CAPN13: variants seen among roughly 807,000 people sequenced by gnomAD.
CAPN13 encodes calpain-13.
Under a neutral mutation model 98.4 loss-of-function variants are expected in CAPN13, and 90 were observed. The observed-to-expected ratio is 0.92, with a 90% CI of 0.77 to 1.09. CAPN13 has a LOEUF of 1.09. Ranked by LOEUF, CAPN13 falls within the 50% of genes least tolerant of loss-of-function variation. CAPN13 has a pLI of 0.00. For missense variants in CAPN13, 887 were observed against 841.3 expected (o/e 1.05, Z -0.67); for synonymous variants, 330 against 305.5 (o/e 1.08, Z -0.84).
At chr2:30,777,678 T>C in intron 2 of CAPN13, 39 bp from the exon 3 acceptor site, 1 of 1,454,200 alleles carries the variant, frequency 6.9e-7, no homozygotes, top group Non-Finnish European at 9.5e-7. Context: ...ACATCGTTTA[T>C]TCCTTTGTAT....
At chr2:30,762,850 G>A (rs551687784) in intron 7 of CAPN13, among the ~76,000 whole-genome samples, 1 of 152,218 alleles carries the variant, frequency 6.6e-6, no homozygotes, top group Admixed American at 6.5e-5. Context: ...TCAGCAACAG[G>A]ACAGCAACAT....
intron 14 of CAPN13, 24 bp from the exon 15 acceptor site, chr2:30,741,988 A>G (rs764802178): frequency 7.5e-6 from 12 of 1,607,746 alleles, no homozygotes; most frequent in Middle Eastern, 1.7e-4. Context: ...AAAATAGTCA[A>G]TGTTAGACTT....
intron 4 of CAPN13, among the ~76,000 whole-genome samples, chr2:30,774,704 A>G (rs1673596373): frequency 1.3e-5 from 2 of 152,170 alleles, no homozygotes; most frequent in Admixed American, 1.3e-4. Context: ...AGGTAATTTC[A>G]CTACTGTCTA....
chr2:30,804,256 A>AGT (rs1433896651), intron 1 of CAPN13, among the ~76,000 whole-genome samples: 1 of 152,202 alleles, frequency 6.6e-6, no homozygotes, highest in African/African-American at 2.4e-5. Flanking sequence ...GCTGGAGTGC[A>AGT]GTGGCGCAAC....
chr2:30,791,978 C>T (rs1454011638), intron 1 of CAPN13, among the ~76,000 whole-genome samples: 1 of 152,036 alleles, frequency 6.6e-6, no homozygotes, highest in Admixed American at 6.6e-5. Context: ...CATTTATTGC[C>T]CCGGTTTCTC....
At chr2:30,768,467 A>G (rs1445455565) in intron 5 of CAPN13, among the ~76,000 whole-genome samples, 1 of 152,188 alleles carries the variant, frequency 6.6e-6, no homozygotes, top group Non-Finnish European at 1.5e-5. Context: ...GGAGCAGAGC[A>G]GAGCAGAAGC....
chr2:30,786,355 G>A (rs1191583735), intron 2 of CAPN13, among the ~76,000 whole-genome samples: 2 of 152,184 alleles, frequency 1.3e-5, no homozygotes, highest in Non-Finnish European at 2.9e-5. Flanking sequence ...GGTCCTTAGG[G>A]TGGTCCTTAT....
chr2:30,754,206 C>T, intron 9 of CAPN13, 84 bp downstream of exon 9: 3 of 1,108,324 alleles, frequency 2.7e-6, no homozygotes, highest in Non-Finnish European at 3.7e-6. Context: ...TTTCCACCTT[C>T]GTAAATGTTC....
intron 4 of CAPN13, among the ~76,000 whole-genome samples, chr2:30,773,274 G>A (rs886218773): frequency 4.6e-4 from 70 of 152,224 alleles, no homozygotes; most frequent in African/African-American, 1.6e-3. Flanking sequence ...AAGGAAACGT[G>A]ATCCAAGAAT....
intron 4 of CAPN13, among the ~76,000 whole-genome samples, chr2:30,771,462 C>G (rs1197911647): frequency 1.3e-5 from 2 of 152,154 alleles, no homozygotes; most frequent in Admixed American, 1.3e-4. Context: ...TCAGTGGAGA[C>G]AAAGCAAAGA....
intron 4 of CAPN13, among the ~76,000 whole-genome samples, chr2:30,775,009 TA>T: frequency 6.6e-6 from 1 of 152,294 alleles, no homozygotes; most frequent in African/African-American, 2.4e-5. Context: ...AGGTTCTAGC[TA>T]ATGTGACAAA....
Position 30,734,335 on chromosome 2 carries a change from G to A in CAPN13, c.1798+114C>T, listed in dbSNP as rs1341617393. The A allele has an allele frequency of 4.4e-5, 34 of 774,322 alleles. No individual in the cohort carries two copies. In the East Asian group the frequency reaches 8.2e-4, roughly 19 times the overall value. The allele number at this position is 774,322 out of a possible 1,614,324, so 48.0% of individuals were successfully genotyped here. On this transcript the variant is annotated intron_variant, in intron 19 of 22. Coordinates refer to ENST00000295055, the MANE Select transcript of CAPN13 (RefSeq NM_144575.3). Reference sequence around the variant, plus strand: ...AACTGGGGAGGACACGAGAGCTGCAGCGCTCCTCTCTCCTGATTGCCTGGC... The same window carrying A: ...AACTGGGGAGGACACGAGAGCTGCAACGCTCCTCTCTCCTGATTGCCTGGC...
At position 30,768,441 on chromosome 2, in the gene CAPN13, G is replaced by A. The variant is rs540526578; in HGVS notation, c.524+1872C>T. Among the ~76,000 whole-genome samples the A allele has an allele frequency of 5.3e-5, 8 of 152,244 alleles. 1 individual carries two copies. The East Asian group carries it at 1.6e-3, about 30-fold the overall frequency. On this transcript the variant is annotated intron_variant, in intron 5 of 22. Coordinates refer to ENST00000295055, the MANE Select transcript of CAPN13 (RefSeq NM_144575.3). ...GTGACTGGGTGGGAGGAGGAGGAGC[G>A]GGCCAGCTACAGAGAGGAGCAGAGC...
chr2:30,779,511 C>T (rs1558333718), intron 2 of CAPN13, among the ~76,000 whole-genome samples: 1 of 152,170 alleles, frequency 6.6e-6, no homozygotes, highest in Non-Finnish European at 1.5e-5. Flanking sequence ...CCAGTCCTTA[C>T]ATTTACAAAT....
intron 5 of CAPN13, among the ~76,000 whole-genome samples, chr2:30,768,215 G>C (rs1572845981): frequency 6.6e-6 from 1 of 152,302 alleles, no homozygotes; most frequent in South Asian, 2.1e-4. Context: ...TGGGCCGATG[G>C]GGTCCTGACC....
In CAPN13 at chr2:30,731,396, G is replaced by A; in HGVS notation, c.1931C>T (p.Thr644Ile). 1 of 1,609,490 alleles carries A rather than the reference G, an allele frequency of 6.2e-7. No homozygotes were observed. The highest frequency in any genetic ancestry group is 8.5e-7 in the Non-Finnish European group (1 of 1,177,830). The change falls in exon 21 of 23, where the codon ACC (threonine) becomes ATC (isoleucine). Residue 644 changes from threonine to isoleucine, a missense_variant. Physicochemically the swap from Thr to Ile is moderately conservative, Grantham distance 89. Transcript: ENST00000295055. ...FLMRLEAMAK[T>I]FRNLSKDGKG... Reference sequence around the variant, plus strand: ...TCCATCCTTAGAGAGGTTGCGGAAGGTCTCTAGGATAAAGAAGGGAAGGTT... The same window carrying A: ...TCCATCCTTAGAGAGGTTGCGGAAGATCTCTAGGATAAAGAAGGGAAGGTT...
chr2:30,737,026 T>C, intron 17 of CAPN13: 1 of 171,672 alleles, frequency 5.8e-6, no homozygotes. Flanking sequence ...GTATGATGGG[T>C]TCAGTGATGA....
At chr2:30,732,339 G>C in intron 20 of CAPN13, 99 bp downstream of exon 20, 4 of 1,482,074 alleles carry the variant, frequency 2.7e-6, no homozygotes, top group South Asian at 2.4e-5. Flanking sequence ...TGCTGCTGAG[G>C]CCTCACGCAG....
chr2:30,785,294 C>T (rs1404629906), intron 2 of CAPN13, among the ~76,000 whole-genome samples: 2 of 152,158 alleles, frequency 1.3e-5, no homozygotes, highest in Non-Finnish European at 2.9e-5. Context: ...CCTGTCTGAA[C>T]ATCAGTTTTC....
Sources: gnomAD v4.1 joint callset for allele counts (sites outside exome capture counted in the v4.1 genomes callset) on GRCh38, gnomAD v4.1.1 for gene constraint, MANE v1.5 for transcripts, NCBI Gene and HGNC (gene_info 2026-07-23, HGNC 2026-07-21) for gene names.